Variants in TLR3 observed in about 807,000 individuals in gnomAD.
The protein encoded by TLR3 is toll like receptor 3.
Under a neutral mutation model 66.4 loss-of-function variants are expected in TLR3, and 43 were observed. The observed-to-expected ratio is 0.65, with a 90% CI of 0.51 to 0.83. The LOEUF is 0.83. TLR3 is among the 40% of genes least tolerant of loss of function. The probability of loss-of-function intolerance (pLI) is 0.00; values close to 1 mark genes in which losing one functional copy is unlikely to be tolerated. For missense variants in TLR3, 982 were observed against 1,044.6 expected, an observed-to-expected ratio of 0.94 and a Z score of 0.83; for synonymous variants, 397 against 397.2, an observed-to-expected ratio of 1.00 and a Z score of 0.01.
intron 1 of TLR3, among the ~76,000 whole-genome samples, chr4:186,075,438 A>G (rs1465009906): frequency 1.3e-5 from 2 of 152,180 alleles, no homozygotes; most frequent in African/African-American, 4.8e-5. Context: ...CCTGGGCAAC[A>G]TAGCAAGACC....
intron 1 of TLR3, among the ~76,000 whole-genome samples, chr4:186,071,767 T>C (rs2099301509): frequency 6.6e-6 from 1 of 152,250 alleles, no homozygotes; most frequent in Admixed American, 6.5e-5. Flanking sequence ...CAATTCTATA[T>C]ACTCACATTA....
rs2099303760 is a variant in TLR3 at position 186,082,785 on chromosome 4, A to G, written c.1099A>G (p.Ile367Val). 2 of 1,613,886 alleles carry G rather than the reference A, an allele frequency of 1.2e-6. No individual in the cohort carries two copies. Among genetic ancestry groups the G allele is most frequent in the Non-Finnish European group, 1.7e-6 (2 of 1,179,892 alleles). ...LEHLNMEDND[I>V]PGIKSNMFTG... ...GCACCTTAACATGGAAGATAATGAT[A>G]TTCCAGGCATAAAAAGCAATATGTT... The change falls in exon 4 of 5, where the codon ATT (isoleucine) becomes GTT (valine). Residue 367 changes from isoleucine to valine, a missense_variant. This residue lies in a region of TLR3 where 666 missense variants were observed against 709.0 expected (regional missense o/e 0.94). Coordinates refer to ENST00000296795, the MANE Select transcript of TLR3 (RefSeq NM_003265.3).
At chr4:186,073,215 CTCTT>C (rs2099301813) in intron 1 of TLR3, among the ~76,000 whole-genome samples, 1 of 151,996 alleles carries the variant, frequency 6.6e-6, no homozygotes, top group African/African-American at 2.4e-5. Flanking sequence ...GGAAAGAAGT[CTCTT>C]TAAAAAATGG....
At position 186,076,985 on chromosome 4, in the gene TLR3, C is replaced by T; in HGVS notation, c.366C>T (p.Cys122=). 1 of 1,614,128 alleles carries T rather than the reference C, an allele frequency of 6.2e-7. No homozygotes were observed. ...SQLSDKTFAF[C]TNLTELHLMS... The stretch of plus-strand genomic sequence containing the variant: ...TTTCTGATAAAACCTTTGCCTTCTG[C>T]ACGAATTTGACTGAACTCCATCTCA... The change falls in exon 2 of 5, where the codon TGC becomes TGT. Residue 122 remains cysteine (C), a synonymous_variant. Transcript: ENST00000296795.
chr4:186,071,445 G>A (rs2099301451), intron 1 of TLR3, among the ~76,000 whole-genome samples: 4 of 152,208 alleles, frequency 2.6e-5, no homozygotes, highest in Admixed American at 2.6e-4. Context: ...TGGAAGAGAG[G>A]TTTGGGACAC....
At position 186,083,705 on chromosome 4, in the gene TLR3, C is replaced by A; in HGVS notation, c.2019C>A (p.Ser673Arg). 6.2e-7 allele frequency: 1 copy of A among 1,605,318 alleles called. No homozygotes were observed. Among genetic ancestry groups the A allele is most frequent in the South Asian group, 1.1e-5 (1 of 89,166 alleles). ...ATACCAACATCCCTGAGCTGTCAAGCCACTACCTTTGCAACACTCCACCTC... is the reference window on the plus strand; with the variant it reads ...ATACCAACATCCCTGAGCTGTCAAGACACTACCTTTGCAACACTCCACCTC... ...ETHTNIPELSSHYLCNTPPHY... is the reference protein window; with the variant it reads ...ETHTNIPELSRHYLCNTPPHY... The change falls in exon 4 of 5, where the codon AGC (serine) becomes AGA (arginine). Residue 673 changes from serine (S) to arginine (R), a missense_variant. Physicochemically the swap from Ser to Arg is moderately radical, Grantham distance 110 (BLOSUM62 -1). Around this residue, in one of 3 missense-constraint regions of TLR3, gnomAD observed 666 missense variants for 709.0 expected, o/e 0.94. Transcript: ENST00000296795. This position sits in a 1 kb window ranked among gnomAD's most constrained non-coding sequence, Gnocchi z 4.0.
chr4:186,087,369 G>A lies in TLR3; in HGVS notation c.*2496G>A, dbSNP rs2099304534. On this transcript the variant is annotated 3_prime_UTR_variant, in exon 5 of 5. Transcript: ENST00000296795. ...GAAGTAACATCCAGAACTTCTGCAG[G>A]CTGTCCTGTGTAATTGTTCTCCGGA... 6.6e-6 allele frequency: 1 copy of A among 152,182 alleles called. No individual in the cohort carries two copies. The highest frequency in any genetic ancestry group is 1.5e-5 in the Non-Finnish European group (1 of 68,042). 9.4% of individuals were successfully genotyped at this position (152,182 alleles called of 1,614,324 possible).
At chr4:186,081,235 C>T (rs982140709) in intron 3 of TLR3, among the ~76,000 whole-genome samples, 4 of 150,428 alleles carry the variant, frequency 2.7e-5, no homozygotes, top group Non-Finnish European at 4.4e-5. Flanking sequence ...CACCACTGCA[C>T]TCCACCCTGG....
rs1341754532 is a variant in TLR3, at chr4:186,087,198, TG to T, written c.*2326del. 6.6e-6 allele frequency: 1 copy of T among 152,218 alleles called. No homozygotes were observed. The highest frequency in any genetic ancestry group is 1.9e-4 in the East Asian group (1 of 5,200). 9.4% of individuals were successfully genotyped at this position (152,218 alleles called of 1,614,324 possible). A position where few individuals can be genotyped will look rare whatever the true frequency, so the allele number is the denominator to read the frequency against. ...TCCCTGCCTGCAGACCCCATTCTCC[TG>T]CCTCAGATATATCAATGACATATTC... On this transcript the variant is annotated 3_prime_UTR_variant, in exon 5 of 5. Transcript: ENST00000296795.
In TLR3 at chr4:186,085,174, T is replaced by C. The variant is rs953461178; in HGVS notation, c.*301T>C. ...TTAAGGAGTTTGAAAACATTCCTCA[T>C]TTTAAGAAAAGTTAGAGGTATATGA... On this transcript the variant is annotated 3_prime_UTR_variant, in exon 5 of 5. Coordinates refer to ENST00000296795, the MANE Select transcript of TLR3 (RefSeq NM_003265.3). 4 of 356,036 alleles carry C rather than the reference T, an allele frequency of 1.1e-5. No homozygotes were observed. Among genetic ancestry groups the C allele is most frequent in the African/African-American group, 2.1e-5 (1 of 47,880 alleles). The allele number at this position is 356,036 out of a possible 1,614,324, so 22.1% of individuals were successfully genotyped here.
rs774708574 is a variant in TLR3 at position 186,084,811 on chromosome 4, C to T, written c.2653C>T (p.Arg885Trp). ...CTTGAACTGGCCAGTTCAGAAAGAA[C>T]GGATAGGTGCCTTTCGTCATAAATT... Reference protein sequence around the residue: ...CILNWPVQKERIGAFRHKLQV... With the variant: ...CILNWPVQKEWIGAFRHKLQV... Residue 885 changes from arginine (R) to tryptophan (W), a missense_variant, in exon 5 of 5, where the codon CGG becomes TGG. Around this residue, in one of 3 missense-constraint regions of TLR3, gnomAD observed 666 missense variants for 709.0 expected, o/e 0.94. Transcript: ENST00000296795. The T allele has an allele frequency of 1.7e-5, 27 of 1,613,850 alleles. No individual in the cohort carries two copies. In the East Asian group the frequency reaches 2.5e-4, roughly 15 times the overall value.
chr4:186,082,658 G>A lies in TLR3; in HGVS notation c.972G>A (p.Val324=), dbSNP rs376729684. 84 of 1,613,746 alleles carry A rather than the reference G, an allele frequency of 5.2e-5. No individual in the cohort carries two copies. Among genetic ancestry groups the A allele is most frequent in the Non-Finnish European group, 7.0e-5 (82 of 1,179,802 alleles). The part of the protein sequence containing the change: ...FSHSLHGLFN[V]RYLNLKRSFT... ...ACTCTTTGCACGGGCTTTTCAATGTGAGGTACCTGAATTTGAAACGGTCTT... is the reference window on the plus strand; with the variant it reads ...ACTCTTTGCACGGGCTTTTCAATGTAAGGTACCTGAATTTGAAACGGTCTT... Residue 324 remains valine, a synonymous_variant, in exon 4 of 5, where the codon GTG becomes GTA. Transcript: ENST00000296795.
At chr4:186,072,956 A>G (rs1324958996) in intron 1 of TLR3, among the ~76,000 whole-genome samples, 1 of 152,212 alleles carries the variant, frequency 6.6e-6, no homozygotes, top group Non-Finnish European at 1.5e-5. Flanking sequence ...TTAATAATAA[A>G]TAATACACAA....
At chr4:186,079,789 G>A (rs1029207924) in intron 3 of TLR3, among the ~76,000 whole-genome samples, 3 of 152,194 alleles carry the variant, frequency 2.0e-5, no homozygotes, top group Non-Finnish European at 4.4e-5. Context: ...GTGAAAGTAG[G>A]AAACTACATT....
In TLR3 at chr4:186,083,291, C is replaced by T. The variant is rs772360575; in HGVS notation, c.1605C>T (p.Leu535=). ...MLEGLEKLEI[L]DLQHNNLARL... ...AGGGTCTTGAGAAACTAGAAATTCT[C>T]GATTTGCAGCATAACAACTTAGCAC... Residue 535 remains leucine (L), a synonymous_variant, in exon 4 of 5, where the codon CTC becomes CTT. Coordinates refer to ENST00000296795, the MANE Select transcript of TLR3 (RefSeq NM_003265.3). This position sits in a 1 kb window ranked among gnomAD's most constrained non-coding sequence, Gnocchi z 4.0. 3.0e-5 allele frequency: 49 copies of T among 1,614,112 alleles called. No individual in the cohort carries two copies. The Middle Eastern group carries it at 6.6e-4, about 22-fold the overall frequency.
rs1367496343 is a variant in TLR3 at position 186,087,195 on chromosome 4, T to C, written c.*2322T>C. On this transcript the variant is annotated 3_prime_UTR_variant, in exon 5 of 5. Transcript: ENST00000296795. ...GTTTCCCTGCCTGCAGACCCCATTC[T>C]CCTGCCTCAGATATATCAATGACAT... is the stretch of plus-strand genomic sequence containing the variant. 6.6e-6 allele frequency: 1 copy of C among 152,198 alleles called. No individual in the cohort carries two copies. The highest frequency in any genetic ancestry group is 6.5e-5 in the Admixed American group (1 of 15,278). 9.4% of individuals were successfully genotyped at this position (152,198 alleles called of 1,614,324 possible).
Position 186,084,845 on chromosome 4 carries a change from C to T in TLR3, c.2687C>T (p.Ala896Val), listed in dbSNP as rs1193598790. 7 of 1,613,586 alleles carry T rather than the reference C, an allele frequency of 4.3e-6. No homozygotes were observed. Among genetic ancestry groups the T allele is most frequent in the Admixed American group, 1.7e-5 (1 of 59,984 alleles). Residue 896 changes from alanine to valine, a missense_variant, in exon 5 of 5, where the codon GCA becomes GTA. Transcript: ENST00000296795. The part of the protein sequence containing the change: ...IGAFRHKLQV[A>V]LGSKNSVH ...GCCTTTCGTCATAAATTGCAAGTAG[C>T]ACTTGGATCCAAAAACTCTGTACAT...
rs1262720911 is a variant in TLR3, at chr4:186,087,349, A to G, written c.*2476A>G. On this transcript the variant is annotated 3_prime_UTR_variant, in exon 5 of 5. Coordinates refer to ENST00000296795, the MANE Select transcript of TLR3 (RefSeq NM_003265.3). Reference sequence around the variant, plus strand: ...CTCCTATCTGACCTAGGTAGGAAGTAACATCCAGAACTTCTGCAGGCTGTC... The same window carrying G: ...CTCCTATCTGACCTAGGTAGGAAGTGACATCCAGAACTTCTGCAGGCTGTC... The G allele has an allele frequency of 1.3e-5, 2 of 152,248 alleles. No individual in the cohort carries two copies. The highest frequency in any genetic ancestry group is 4.8e-5 in the African/African-American group (2 of 41,458). 9.4% of individuals were successfully genotyped at this position (152,248 alleles called of 1,614,324 possible). A position where few individuals can be genotyped will look rare whatever the true frequency, so the allele number is the denominator to read the frequency against.
In TLR3 at chr4:186,082,375, A is replaced by G. The variant is rs1304858844; in HGVS notation, c.689A>G (p.Asn230Ser). The change falls in exon 4 of 5, where the codon AAT (asparagine) becomes AGT (serine). Residue 230 changes from asparagine (N) to serine (S), a missense_variant. By Grantham distance (46) the Asn-to-Ser change is conservative (BLOSUM62 1). Coordinates refer to ENST00000296795, the MANE Select transcript of TLR3 (RefSeq NM_003265.3). ...IGRLFGLFLN[N>S]VQLGPSLTEK... ...AGATTATTTGGCCTCTTTCTGAACA[A>G]TGTCCAGCTGGGTCCCAGCCTTACA... The G allele has an allele frequency of 6.2e-7, 1 of 1,613,910 alleles. No homozygotes were observed.
Sources: gnomAD v4.1 joint callset for allele counts (sites outside exome capture counted in the v4.1 genomes callset) on GRCh38, gnomAD v4.1.1 for gene constraint, gnomAD v4.1.1 regional missense constraint, Gnocchi (gnomAD v3.1) non-coding constraint, MANE v1.5 for transcripts, NCBI Gene and HGNC (gene_info 2026-07-23, HGNC 2026-07-21) for gene names.